Variants in IMMP2L observed in about 807,000 individuals in gnomAD.
The protein encoded by IMMP2L is mitochondrial inner membrane protease subunit 2.
A neutral mutation model predicts 19.3 loss-of-function variants in IMMP2L; 18 were observed. The observed-to-expected ratio is 0.93, with a 90% CI of 0.64 to 1.38. The LOEUF (loss-of-function observed/expected upper bound fraction) is 1.38. IMMP2L is among the 40% of genes most tolerant of loss of function. IMMP2L has a pLI of 0.00. For synonymous variants in IMMP2L, 76 were observed against 73.0 expected, an observed-to-expected ratio of 1.04 and a Z score of -0.21; for missense variants, 233 against 218.2, an observed-to-expected ratio of 1.07 and a Z score of -0.43.
chr7:111,319,541 C>A (rs747971748), intron 3 of IMMP2L, among the ~76,000 whole-genome samples: 2 of 151,928 alleles, frequency 1.3e-5, no homozygotes, highest in Non-Finnish European at 2.9e-5. Flanking sequence ...AGTGAACTAC[C>A]AAAATTTTCA....
intron 2 of IMMP2L, among the ~76,000 whole-genome samples, chr7:111,519,828 G>A (rs1846181643): frequency 6.6e-6 from 1 of 152,018 alleles, no homozygotes; most frequent in South Asian, 2.1e-4. Flanking sequence ...GTCCTTCTTA[G>A]AATAGTGATA....
intron 3 of IMMP2L, among the ~76,000 whole-genome samples, chr7:111,057,920 C>T (rs1793662077): frequency 6.6e-6 from 1 of 152,016 alleles, no homozygotes; most frequent in South Asian, 2.1e-4. Flanking sequence ...TATATATATA[C>T]ATACCTGCAC....
chr7:111,412,949 C>CA (rs1834572248), intron 3 of IMMP2L, among the ~76,000 whole-genome samples: 1 of 151,268 alleles, frequency 6.6e-6, no homozygotes, highest in Non-Finnish European at 1.5e-5. Context: ...AAAACAAACC[C>CA]AAAGCTGCTT....
At chr7:111,195,058 T>TA (rs1184145031) in intron 3 of IMMP2L, among the ~76,000 whole-genome samples, 1 of 152,142 alleles carries the variant, frequency 6.6e-6, no homozygotes, top group African/African-American at 2.4e-5. Context: ...TATATTTATT[T>TA]AATATGTTAG....
chr7:111,469,456 G>A (rs556139848), intron 3 of IMMP2L, among the ~76,000 whole-genome samples: 1 of 152,080 alleles, frequency 6.6e-6, no homozygotes, highest in East Asian at 1.9e-4. Context: ...AGTTCTCCTT[G>A]AACAGGTCCT....
At chr7:110,921,266 A>C (rs915562945) in intron 4 of IMMP2L, among the ~76,000 whole-genome samples, 1 of 152,182 alleles carries the variant, frequency 6.6e-6, no homozygotes, top group Non-Finnish European at 1.5e-5. Context: ...TTTAAAACTG[A>C]AGGTGGTTCC....
chr7:111,243,511 T>C lies in IMMP2L; in HGVS notation c.239+243727A>G, dbSNP rs532613166. On this transcript the variant is annotated intron_variant, in intron 3 of 5. Transcript: ENST00000405709. ...TGTTCAACTCTATATTTCTTGTTGC[T>C]TTATTTTTTTTTTTTTTATTATACT... Among the ~76,000 whole-genome samples the C allele has an allele frequency of 1.4e-4, 3 of 20,782 alleles. No homozygotes were observed. In the East Asian group the frequency reaches 3.4e-3, roughly 23 times the overall value. 13.6% of individuals were successfully genotyped at this position (20,782 alleles called of 152,430 possible).
intron 3 of IMMP2L, among the ~76,000 whole-genome samples, chr7:111,175,374 T>A (rs554794544): frequency 6.6e-6 from 1 of 151,974 alleles, no homozygotes; most frequent in South Asian, 2.1e-4. Context: ...TTCTAAGTAA[T>A]ACAATATGTA....
At chr7:110,868,117 T>TTGTGTGTGTGTGTGTGTG (rs71151813) in intron 5 of IMMP2L, among the ~76,000 whole-genome samples, 3,067 of 144,378 alleles carry the variant, frequency 0.021, 96 homozygotes, top group African/African-American at 0.059. Flanking sequence ...CTTGTGAGGT[T>TTGTGTGTGTGTGTGTGTG]TGTGTGTGTG....
At chr7:111,325,747 A>C (rs1045772386) in intron 3 of IMMP2L, among the ~76,000 whole-genome samples, 4 of 151,716 alleles carry the variant, frequency 2.6e-5, no homozygotes, top group African/African-American at 9.7e-5. Context: ...GAAACTTTAC[A>C]TTCCGACCAC....
chr7:111,496,621 G>A (rs1203238408), intron 2 of IMMP2L, among the ~76,000 whole-genome samples: 4 of 152,130 alleles, frequency 2.6e-5, no homozygotes, highest in Non-Finnish European at 5.9e-5. Flanking sequence ...CTCTCCTGAC[G>A]CTGGGACAAC....
intron 4 of IMMP2L, among the ~76,000 whole-genome samples, chr7:110,900,791 C>G (rs918894465): frequency 6.6e-6 from 1 of 152,096 alleles, no homozygotes; most frequent in Non-Finnish European, 1.5e-5. Flanking sequence ...CTAAAAATGT[C>G]TCCAAACGTT....
intron 5 of IMMP2L, among the ~76,000 whole-genome samples, chr7:110,795,260 A>C (rs1736287893): frequency 6.6e-6 from 1 of 152,080 alleles, no homozygotes; most frequent in East Asian, 1.9e-4. Context: ...TACCAAACCA[A>C]GCTAGTAGGT....
chr7:111,139,505 G>C (rs1270292999), intron 3 of IMMP2L, among the ~76,000 whole-genome samples: 1 of 152,024 alleles, frequency 6.6e-6, no homozygotes, highest in South Asian at 2.1e-4. Flanking sequence ...TATCTATGGT[G>C]GGAAAAACTA....
intron 3 of IMMP2L, among the ~76,000 whole-genome samples, chr7:111,323,480 G>A (rs1359334282): frequency 1.3e-5 from 2 of 152,046 alleles, no homozygotes; most frequent in Non-Finnish European, 2.9e-5. Flanking sequence ...TCATTAAAAA[G>A]TCAGGAAACA....
chr7:110,840,971 G>A (rs1455754004), intron 5 of IMMP2L, among the ~76,000 whole-genome samples: 1 of 151,886 alleles, frequency 6.6e-6, no homozygotes, highest in Admixed American at 6.6e-5. Context: ...ACCATGAGCT[G>A]GATTCTAATA....
intron 4 of IMMP2L, among the ~76,000 whole-genome samples, chr7:110,934,208 T>C (rs1394826724): frequency 6.6e-6 from 1 of 152,210 alleles, no homozygotes; most frequent in Non-Finnish European, 1.5e-5. Context: ...GAGAGACTGC[T>C]TGTTATGATT....
intron 5 of IMMP2L, among the ~76,000 whole-genome samples, chr7:110,869,263 A>C (rs1808306635): frequency 6.6e-6 from 1 of 152,110 alleles, no homozygotes; most frequent in Non-Finnish European, 1.5e-5. Flanking sequence ...TGATTCTGTA[A>C]ATTCAGATTA....
At chr7:111,326,707 G>A (rs1339210405) in intron 3 of IMMP2L, among the ~76,000 whole-genome samples, 1 of 151,722 alleles carries the variant, frequency 6.6e-6, no homozygotes, top group East Asian at 1.9e-4. Context: ...AACAAGTACA[G>A]GGAACACTGG....
Sources: allele counts gnomAD v4.1 joint callset (sites outside exome capture counted in the v4.1 genomes callset), GRCh38; gene constraint gnomAD v4.1.1; transcripts MANE v1.5; gene names NCBI Gene and HGNC (gene_info 2026-07-23, HGNC 2026-07-21).